PASK: variants seen among roughly 807,000 people sequenced by gnomAD.
PASK encodes PAS domain-containing serine/threonine-protein kinase.
Under a neutral mutation model 121.0 loss-of-function variants are expected in PASK, and 110 were observed. The ratio of observed to expected loss-of-function variants is 0.91; its 90% CI spans 0.78 to 1.06. The LOEUF (loss-of-function observed/expected upper bound fraction) is 1.06, where lower values mean the gene tolerates loss of function less well. Ranked by LOEUF, PASK falls within the 50% of genes least tolerant of loss-of-function variation. The pLI, the probability that PASK is intolerant of heterozygous loss-of-function variation, is 0.00. For missense variants in PASK, 1,643 were observed against 1,702.3 expected (o/e 0.97, Z 0.61); for synonymous variants, 686 against 717.8 (o/e 0.96, Z 0.71).
At position 241,126,964 on chromosome 2, in the gene PASK, C is replaced by T. The variant is rs1400909172; in HGVS notation, c.1951G>A (p.Glu651Lys). The T allele has an allele frequency of 6.2e-7, 1 of 1,614,240 alleles. No homozygotes were observed. Among genetic ancestry groups the T allele is most frequent in the Non-Finnish European group, 8.5e-7 (1 of 1,180,046 alleles). ...PTLDEPWLGVENDREELQTCL... is the reference protein window; with the variant it reads ...PTLDEPWLGVKNDREELQTCL... ...GTCTGCAGCTCTTCTCGGTCGTTTT[C>T]CACTCCCAGCCACGGCTCATCTAGA... Residue 651 changes from glutamate (E) to lysine (K), a missense_variant, in exon 10 of 18, where the codon GAA (glutamate) becomes AAA (lysine). Glu to Lys is a moderately conservative substitution (Grantham distance 56). This residue lies in a region of PASK where 1,176 missense variants were observed against 1,162.2 expected (regional missense o/e 1.01). Transcript: ENST00000234040.
At chr2:241,144,908 CCT>C (rs1200454771) in intron 1 of PASK, among the ~76,000 whole-genome samples, 1 of 152,174 alleles carries the variant, frequency 6.6e-6, no homozygotes, top group Non-Finnish European at 1.5e-5. Context: ...AGAGCTTCTC[CCT>C]GTTTGTTTGT....
chr2:241,126,352 G>A lies in PASK; in HGVS notation c.2563C>T (p.Pro855Ser). ...GHVPSTLDAGPEDTCPSAEEP... is the reference protein window; with the variant it reads ...GHVPSTLDAGSEDTCPSAEEP... ...TCTGCTGATGGGCACGTGTCCTCAG[G>A]GCCAGCATCCAACGTGGAAGGAACG... Residue 855 changes from proline to serine, a missense_variant, in exon 10 of 18, where the codon CCT (proline) becomes TCT (serine). Pro to Ser is a moderately conservative substitution (Grantham distance 74). Around this residue, in one of 3 missense-constraint regions of PASK, gnomAD observed 1,176 missense variants for 1,162.2 expected, o/e 1.01. Coordinates refer to ENST00000234040, the MANE Select transcript of PASK (RefSeq NM_015148.4). 1 of 1,614,202 alleles carries A rather than the reference G, an allele frequency of 6.2e-7. No individual in the cohort carries two copies. The highest frequency in any genetic ancestry group is 2.2e-5 in the East Asian group (1 of 44,884).
In PASK at chr2:241,126,693, C is replaced by T; in HGVS notation, c.2222G>A (p.Trp741Ter). The stretch of plus-strand genomic sequence containing the variant: ...ACTGAAAAAGAGTTCCTTGAGGTTC[C>T]AGGAAAACGAATTCACATCAACCTC... ...AQEVDVNSFSWNLKELFFSDQ... is the reference protein window; with the variant it reads ...AQEVDVNSFS Residue 741 changes from tryptophan (W) to a stop codon, truncating the protein, a stop_gained, in exon 10 of 18, where the codon TGG (tryptophan) becomes TAG (stop). Coordinates refer to ENST00000234040, the MANE Select transcript of PASK (RefSeq NM_015148.4). LOFTEE classifies it high-confidence loss of function. 1 of 1,614,210 alleles carries T rather than the reference C, an allele frequency of 6.2e-7. No individual in the cohort carries two copies. Among genetic ancestry groups the T allele is most frequent in the Non-Finnish European group, 8.5e-7 (1 of 1,180,052 alleles).
chr2:241,140,807 C>T, intron 2 of PASK, 54 bp from the exon 3 acceptor site: 4 of 1,198,142 alleles, frequency 3.3e-6, no homozygotes, highest in Non-Finnish European at 4.9e-6. Flanking sequence ...CCAGAGTCCA[C>T]CTTCTGAAAC....
intron 9 of PASK, 141 bp downstream of exon 9, chr2:241,132,733 A>T (rs111492504): frequency 4.0e-6 from 3 of 741,950 alleles, no homozygotes; most frequent in Non-Finnish European, 7.1e-6. Context: ...TGTGTGTGGA[A>T]GAGAGCAGGT....
intron 14 of PASK, 51 bp downstream of exon 14, chr2:241,114,992 C>T: frequency 6.2e-7 from 1 of 1,613,716 alleles, no homozygotes; most frequent in Non-Finnish European, 8.5e-7. Context: ...GCCACCGGAC[C>T]CAGGCACCCA....
intron 12 of PASK, among the ~76,000 whole-genome samples, chr2:241,122,484 C>T (rs190238068): frequency 9.7e-4 from 147 of 152,278 alleles, no homozygotes; most frequent in African/African-American, 3.4e-3. Flanking sequence ...TGGCAGGAGG[C>T]GAAGCCCTGA....
chr2:241,117,119 G>T (rs553462041), intron 12 of PASK, among the ~76,000 whole-genome samples: 1 of 151,112 alleles, frequency 6.6e-6, no homozygotes, highest in Non-Finnish European at 1.5e-5. Flanking sequence ...CATCGGGAGG[G>T]CATCGGGGCC....
At chr2:241,139,724 C>A in intron 4 of PASK, 161 bp downstream of exon 4, 1 of 739,832 alleles carries the variant, frequency 1.4e-6, no homozygotes, top group Non-Finnish European at 2.4e-6. Flanking sequence ...GCAGCTGAAG[C>A]GGGGAAACGG....
intron 12 of PASK, among the ~76,000 whole-genome samples, chr2:241,116,800 G>A (rs976098562): frequency 5.2e-5 from 8 of 152,382 alleles, no homozygotes; most frequent in South Asian, 2.1e-4. Flanking sequence ...AAGGAGCGAT[G>A]GGCAACCCAG....
chr2:241,123,244 C>T (rs2065702565), intron 11 of PASK, among the ~76,000 whole-genome samples: 2 of 150,420 alleles, frequency 1.3e-5, no homozygotes, highest in African/African-American at 2.4e-5. Flanking sequence ...GGCGCAATCT[C>T]GGCTCACTGC....
chr2:241,111,999 G>GA (rs1373463141), intron 15 of PASK, among the ~76,000 whole-genome samples: 1 of 152,088 alleles, frequency 6.6e-6, no homozygotes, highest in African/African-American at 2.4e-5. Flanking sequence ...TTTATTATAT[G>GA]AAACTCCAAA....
rs978086427 is a variant in PASK, at chr2:241,114,075, C to T, written c.3333+968G>A. 1.1e-5 allele frequency: 11 copies of T among 984,964 alleles called. No individual in the cohort carries two copies. The South Asian group carries it at 1.4e-4, about 13-fold the overall frequency. The allele number at this position is 984,964 out of a possible 1,614,324, so 61.0% of individuals were successfully genotyped here. A position where few individuals can be genotyped will look rare whatever the true frequency, so the allele number is the denominator to read the frequency against. On this transcript the variant is annotated intron_variant, in intron 14 of 17. Transcript: ENST00000234040. ...CTGTCAGGCAGCAGCTTTTAACAAG[C>T]GACCCTCAACATAACCTCATACAGA...
At chr2:241,141,016 G>A (rs141828601) in intron 2 of PASK, 15 of 520,770 alleles carry the variant, frequency 2.9e-5, no homozygotes, top group African/African-American at 7.6e-5. Context: ...AAAGCCAGGC[G>A]TGCCTATAAT....
intron 2 of PASK, among the ~76,000 whole-genome samples, chr2:241,141,319 C>A (rs2066688676): frequency 6.6e-6 from 1 of 152,144 alleles, no homozygotes; most frequent in African/African-American, 2.4e-5. Flanking sequence ...CTCAAAGGTT[C>A]CTTCCTTCCC....
At chr2:241,137,299 G>T in intron 6 of PASK, 35 bp from the exon 7 acceptor site, 1 of 1,596,708 alleles carries the variant, frequency 6.3e-7, no homozygotes, top group Non-Finnish European at 8.6e-7. Context: ...CTTAAGCCGT[G>T]TTTCACGTGG....
At chr2:241,129,552 C>T (rs554914373) in intron 9 of PASK, among the ~76,000 whole-genome samples, 23 of 152,348 alleles carry the variant, frequency 1.5e-4, no homozygotes, top group African/African-American at 4.8e-4. Flanking sequence ...CCAATTTGAC[C>T]GTCCAATGCT....
chr2:241,138,516 G>T, intron 5 of PASK, 138 bp downstream of exon 5: 1 of 976,202 alleles, frequency 1.0e-6, no homozygotes, highest in Non-Finnish European at 1.6e-6. Context: ...ATCAGCGAGG[G>T]TACCACTGGG....
In PASK at chr2:241,127,389, T is replaced by G. The variant is rs1350325662; in HGVS notation, c.1526A>C (p.Gln509Pro). The stretch of plus-strand genomic sequence containing the variant: ...CTCTCTCCCCAAGGCAGTGATTTGC[T>G]GGTCCTTGGGCAGCGCCTGTTCACC... The part of the protein sequence containing the change: ...VHGEQALPKD[Q>P]QITALGREEP... Residue 509 changes from glutamine to proline, a missense_variant, in exon 10 of 18, where the codon CAG becomes CCG. Around this residue, in one of 3 missense-constraint regions of PASK, gnomAD observed 1,176 missense variants for 1,162.2 expected, o/e 1.01. Coordinates refer to ENST00000234040, the MANE Select transcript of PASK (RefSeq NM_015148.4). 28 of 1,613,996 alleles carry G rather than the reference T, an allele frequency of 1.7e-5. No homozygotes were observed. Among genetic ancestry groups the G allele is most frequent in the Non-Finnish European group, 2.3e-5 (27 of 1,179,930 alleles).
Sources: allele counts gnomAD v4.1 joint callset (sites outside exome capture counted in the v4.1 genomes callset), GRCh38; gene constraint gnomAD v4.1.1; regional missense constraint gnomAD v4.1.1; transcripts MANE v1.5; gene names NCBI Gene and HGNC (gene_info 2026-07-23, HGNC 2026-07-21).